Variants in MANBA observed in about 807,000 individuals in gnomAD.
MANBA encodes the protein mannosidase beta.
Under a neutral mutation model 111.1 loss-of-function variants are expected in MANBA, and 83 were observed. The ratio of observed to expected loss-of-function variants is 0.75; its 90% confidence interval spans 0.63 to 0.90. The LOEUF is 0.90. Ranked by LOEUF, MANBA falls within the 40% of genes least tolerant of loss-of-function variation. MANBA has a pLI of 0.00. For synonymous variants in MANBA, 370 were observed against 378.7 expected (o/e 0.98, Z 0.27); for missense variants, 1,036 against 1,069.0 (o/e 0.97, Z 0.43).
chr4:102,733,349 A>AT (rs563303596), intron 1 of MANBA, among the ~76,000 whole-genome samples: 8,550 of 136,192 alleles, frequency 0.063, 676 homozygotes, highest in African/African-American at 0.19. Context: ...TCCTCTCTGC[A>AT]TTTTTTTTTT....
chr4:102,658,004 A>G, intron 11 of MANBA, 104 bp from the exon 12 acceptor site: 1 of 854,998 alleles, frequency 1.2e-6, no homozygotes, highest in South Asian at 1.4e-5. Flanking sequence ...AATGCCAAGT[A>G]GCTGATAGAA....
chr4:102,708,568 A>G (rs549404129), intron 5 of MANBA, among the ~76,000 whole-genome samples: 5 of 152,160 alleles, frequency 3.3e-5, no homozygotes, highest in Non-Finnish European at 7.4e-5. Context: ...TTTCAAATAA[A>G]CAACCTAACA....
chr4:102,723,862 A>G lies in MANBA; in HGVS notation c.378T>C (p.Tyr126=), dbSNP rs887586296. 4.5e-6 allele frequency: 7 copies of G among 1,540,108 alleles called. No homozygotes were observed. The highest frequency in any genetic ancestry group is 4.5e-5 in the East Asian group (2 of 44,414). Residue 126 remains tyrosine, a splice_region_variant and synonymous_variant, in exon 3 of 17, where the codon TAT becomes TAC. Coordinates refer to ENST00000647097, the MANE Select transcript of MANBA (RefSeq NM_005908.4). The part of the protein sequence containing the change: ...IGETDNMFNR[Y]SFDITNVVRD... ...TAACCTAATGTCATTATATACTTAC[A>G]TATCTATTGAACATATTGTCTGTTT...
intron 7 of MANBA, among the ~76,000 whole-genome samples, chr4:102,679,130 C>A (rs1327194080): frequency 6.6e-6 from 1 of 152,198 alleles, no homozygotes; most frequent in Non-Finnish European, 1.5e-5. Flanking sequence ...CTCTGGGTCT[C>A]CACAAATAGC....
intron 1 of MANBA, among the ~76,000 whole-genome samples, chr4:102,753,277 C>G (rs1320308255): frequency 6.6e-6 from 1 of 150,924 alleles, no homozygotes; most frequent in Non-Finnish European, 1.5e-5. Flanking sequence ...AAGATAAACA[C>G]TTTTTTACAG....
chr4:102,703,101 GCTA>G (rs1733135312), intron 5 of MANBA, among the ~76,000 whole-genome samples: 4 of 152,284 alleles, frequency 2.6e-5, no homozygotes, highest in African/African-American at 9.6e-5. Flanking sequence ...TACAGAGATA[GCTA>G]CTGTTTGCAT....
chr4:102,699,842 A>G (rs1380623552), intron 5 of MANBA, among the ~76,000 whole-genome samples: 2 of 150,104 alleles, frequency 1.3e-5, no homozygotes, highest in African/African-American at 2.4e-5. Flanking sequence ...GTCTCTGCCC[A>G]GCTTTGGTAT....
At chr4:102,643,310 T>G (rs76717344) in intron 13 of MANBA, among the ~76,000 whole-genome samples, 275 of 152,342 alleles carry the variant, frequency 1.8e-3, no homozygotes, top group African/African-American at 4.4e-3. Context: ...GCTGAAAAAT[T>G]AGGTTATTTC....
At chr4:102,648,738 T>C (rs1388438944) in intron 13 of MANBA, among the ~76,000 whole-genome samples, 3 of 152,120 alleles carry the variant, frequency 2.0e-5, no homozygotes, top group Admixed American at 6.6e-5. Context: ...CAAAACTTGA[T>C]AGAACTGTTT....
chr4:102,634,868 GGT>G lies in MANBA; in HGVS notation c.2333_2334del (p.Asp778AlafsTer2), dbSNP rs1160665082. ...SCVVSFYLSA[D>X]HELLSPTNYH... ...TAGTTGGTCGGGCTCAGGAGTTCAT[GGT>G]CAGCTGAAAGGTAAAAGGAAACCAC... is the stretch of plus-strand genomic sequence containing the variant. On this transcript the variant is annotated frameshift_variant, in exon 16 of 17. Transcript: ENST00000647097. LOFTEE classifies it high-confidence loss of function. 9.3e-6 allele frequency: 15 copies of G among 1,614,056 alleles called. No homozygotes were observed. Among genetic ancestry groups the G allele is most frequent in the Non-Finnish European group, 1.3e-5 (15 of 1,180,026 alleles).
chr4:102,757,118 T>C (rs935404861), intron 1 of MANBA, among the ~76,000 whole-genome samples: 1 of 151,614 alleles, frequency 6.6e-6, no homozygotes, highest in African/African-American at 2.4e-5. Flanking sequence ...TGGCCTGAGG[T>C]TGGGAGTTCA....
In MANBA at chr4:102,644,543, C is replaced by T. The variant is rs1367580238; in HGVS notation, c.1870-4686G>A. On this transcript the variant is annotated intron_variant, in intron 13 of 16. Transcript: ENST00000647097. ...CACAGACAAACAAATACTACATGATCTCACGTATACATGGAATTGAAAAAA... is the reference window on the plus strand; with the variant it reads ...CACAGACAAACAAATACTACATGATTTCACGTATACATGGAATTGAAAAAA... 2.6e-5 allele frequency among the ~76,000 whole-genome samples: 4 copies of T among 152,028 alleles called. No homozygotes were observed. The East Asian group carries it at 7.7e-4, about 29-fold the overall frequency.
intron 16 of MANBA, 60 bp from the exon 17 acceptor site, chr4:102,632,341 T>C: frequency 4.6e-6 from 6 of 1,306,172 alleles, no homozygotes; most frequent in Non-Finnish European, 6.6e-6. Flanking sequence ...ATATAGTCTG[T>C]ATACAGTTCC....
intron 15 of MANBA, 83 bp from the exon 16 acceptor site, chr4:102,635,128 A>C (rs754632251): frequency 6.7e-7 from 1 of 1,491,430 alleles, no homozygotes; most frequent in Middle Eastern, 1.7e-4. Context: ...AATTGCTGAA[A>C]GTCAGGTTAG....
At chr4:102,657,231 G>GGGGA in intron 12 of MANBA, among the ~76,000 whole-genome samples, 1 of 110,252 alleles carries the variant, frequency 9.1e-6, no homozygotes, top group African/African-American at 3.2e-5. Context: ...GTGGGGGGGG[G>GGGGA]GTGGGCGGTG....
chr4:102,760,019 T>C (rs1166912281), intron 1 of MANBA, among the ~76,000 whole-genome samples: 1 of 152,116 alleles, frequency 6.6e-6, no homozygotes, highest in Non-Finnish European at 1.5e-5. Context: ...TTTGCAAACC[T>C]ATGCGCACAG....
intron 15 of MANBA, 90 bp downstream of exon 15, chr4:102,635,775 C>T: frequency 7.3e-7 from 1 of 1,370,886 alleles, no homozygotes. Context: ...ATTAATTTCT[C>T]TTTTATTTTC....
At chr4:102,661,967 T>C (rs1047169882) in intron 11 of MANBA, among the ~76,000 whole-genome samples, 20 of 152,148 alleles carry the variant, frequency 1.3e-4, no homozygotes, top group Non-Finnish European at 2.8e-4. Flanking sequence ...CTAAAAGCAG[T>C]AGTGGTTATG....
intron 1 of MANBA, among the ~76,000 whole-genome samples, chr4:102,736,023 A>G (rs1487539536): frequency 1.3e-5 from 2 of 152,220 alleles, no homozygotes; most frequent in Non-Finnish European, 2.9e-5. Context: ...ACCAGCTGGT[A>G]ACTGCAACAA....
Sources: allele counts gnomAD v4.1 joint callset (sites outside exome capture counted in the v4.1 genomes callset), GRCh38; gene constraint gnomAD v4.1.1; transcripts MANE v1.5; gene names NCBI Gene and HGNC (gene_info 2026-07-23, HGNC 2026-07-21).